The following MUC4 variants were observed in gnomAD, a reference collection of about 807,000 sequenced individuals.
MUC4 encodes mucin-4.
A neutral mutation model predicts 257.9 loss-of-function variants in MUC4; 202 were observed. The ratio of observed to expected loss-of-function variants is 0.78; its 90% CI spans 0.70 to 0.88. The LOEUF (loss-of-function observed/expected upper bound fraction) is 0.88. Ranked by LOEUF, MUC4 falls within the 40% of genes least tolerant of loss-of-function variation. The pLI is 0.00. For synonymous variants in MUC4, 2,351 were observed against 2,757.1 expected, an observed-to-expected ratio of 0.85 and a Z score of 4.62; for missense variants, 5,976 against 6,513.7, an observed-to-expected ratio of 0.92 and a Z score of 2.84.
chr3:195,778,143 T>C (rs991695036), intron 3 of MUC4, 160 bp downstream of exon 3: 82 of 962,982 alleles, frequency 8.5e-5, no homozygotes, highest in Non-Finnish European at 1.2e-4. Context: ...CCCAGTGCCA[T>C]GCACAAAGCC....
At chr3:195,761,288 T>A (rs959319032) in intron 15 of MUC4, among the ~76,000 whole-genome samples, 171 bp from the exon 16 acceptor site, 5 of 152,102 alleles carry the variant, frequency 3.3e-5, no homozygotes, top group Admixed American at 2.6e-4. Flanking sequence ...GAGAGGACAC[T>A]CCACGTCCCC....
intron 7 of MUC4, among the ~76,000 whole-genome samples, chr3:195,767,814 TCAC>T (rs1221256353): frequency 1.8e-3 from 79 of 42,858 alleles, no homozygotes; most frequent in South Asian, 3.0e-3. Flanking sequence ...ATCACCACCA[TCAC>T]CACCACCACC....
At chr3:195,749,307 T>A (rs1436343670) in intron 23 of MUC4, among the ~76,000 whole-genome samples, 1 of 45,642 alleles carries the variant, frequency 2.2e-5, no homozygotes, top group East Asian at 5.6e-4. Flanking sequence ...TGGAAAAAGT[T>A]TCCTAGGGAA....
chr3:195,766,892 C>G, intron 7 of MUC4, 141 bp from the exon 8 acceptor site: 1 of 700,304 alleles, frequency 1.4e-6, no homozygotes, highest in Non-Finnish European at 2.5e-6. Flanking sequence ...TCAGCCAGCC[C>G]CCATCGTCAA....
In MUC4 at chr3:195,747,315, T is replaced by C. The variant is rs1269145645; in HGVS notation, c.16100A>G (p.Asp5367Gly). The change falls in exon 25 of 25, where the codon GAC becomes GGC. Residue 5367 changes from aspartate (D) to glycine (G), a missense_variant. Coordinates refer to ENST00000463781, the MANE Select transcript of MUC4 (RefSeq NM_018406.7). ...EHCEHLSMKLDAFFGIFFGAL... is the reference protein window; with the variant it reads ...EHCEHLSMKLGAFFGIFFGAL... Reference sequence around the variant, plus strand: ...CCCAAAGAAGATGCCGAAGAACGCGTCGAGTTTCATGCTCAGGTGCTCACA... The same window carrying C: ...CCCAAAGAAGATGCCGAAGAACGCGCCGAGTTTCATGCTCAGGTGCTCACA... 6.2e-7 allele frequency: 1 copy of C among 1,614,128 alleles called. No homozygotes were observed. Among genetic ancestry groups the C allele is most frequent in the African/African-American group, 1.3e-5 (1 of 75,070 alleles).
At chr3:195,774,122 A>G in intron 4 of MUC4, 50 bp downstream of exon 4, 2 of 1,545,042 alleles carry the variant, frequency 1.3e-6, no homozygotes, top group Non-Finnish European at 1.7e-6. Context: ...AGCAGGAGAG[A>G]GAAGTGGGCC....
intron 19 of MUC4, 48 bp from the exon 20 acceptor site, chr3:195,753,278 G>A: frequency 6.3e-7 from 1 of 1,581,742 alleles, no homozygotes; most frequent in Non-Finnish European, 8.6e-7. Flanking sequence ...GGCAGCAGAG[G>A]GACGGCCCAG....
chr3:195,777,778 A>G (rs866623842), intron 3 of MUC4, among the ~76,000 whole-genome samples: 17 of 32,942 alleles, frequency 5.2e-4, no homozygotes, highest in Admixed American at 6.9e-4. Context: ...TACCTTCCAC[A>G]CCCATACCTT....
At chr3:195,808,307 C>G (rs1343814818) in intron 1 of MUC4, among the ~76,000 whole-genome samples, 3 of 152,044 alleles carry the variant, frequency 2.0e-5, no homozygotes, top group African/African-American at 7.3e-5. Context: ...CCTCTGCCTC[C>G]CAGGTTCAAG....
chr3:195,806,558 T>C (rs1183818930), intron 1 of MUC4, among the ~76,000 whole-genome samples: 1 of 152,262 alleles, frequency 6.6e-6, no homozygotes, highest in East Asian at 1.9e-4. Flanking sequence ...TGCTGTGTCC[T>C]AGAACAATGT....
Position 195,790,330 on chromosome 3 carries a change from G to A in MUC4, c.1250C>T (p.Thr417Ile), listed in dbSNP as rs200592517. The A allele has an allele frequency of 9.9e-6, 16 of 1,613,770 alleles. No homozygotes were observed. The highest frequency in any genetic ancestry group is 1.3e-5 in the African/African-American group (1 of 74,920). Residue 417 changes from threonine (T) to isoleucine (I), a missense_variant, in exon 2 of 25, where the codon ACC becomes ATC. Around this residue, in one of 44 missense-constraint regions of MUC4, gnomAD observed 1,583 missense variants for 1,257.4 expected, o/e 1.26. Transcript: ENST00000463781. ...TEETSLSVSG[T>I]ISAITSKVST... is the part of the protein sequence containing the mutation. The stretch of plus-strand genomic sequence containing the variant: ...AACTTTGGAAGTGATTGCAGAAATG[G>A]TTCCACTTACAGATAGTGATGTCTC...
In MUC4 at chr3:195,769,161, G is replaced by A. The variant is rs561464763; in HGVS notation, c.13399-9C>T. ...GCTTGGTAGGTGTTGCTCTGGGGGT[G>A]GGTGGAAGAAAACACAGGGATGCCC... On this transcript the variant is annotated splice_polypyrimidine_tract_variant and intron_variant, in intron 6 of 24. Coordinates refer to ENST00000463781, the MANE Select transcript of MUC4 (RefSeq NM_018406.7). 3.1e-6 allele frequency: 5 copies of A among 1,613,798 alleles called. No homozygotes were observed. Among genetic ancestry groups the A allele is most frequent in the Non-Finnish European group, 4.2e-6 (5 of 1,179,868 alleles).
In MUC4 at chr3:195,790,895, G is replaced by A. The variant is rs1733774933; in HGVS notation, c.685C>T (p.His229Tyr). Residue 229 changes from histidine (H) to tyrosine (Y), a missense_variant, in exon 2 of 25, where the codon CAC becomes TAC. Around this residue, in one of 44 missense-constraint regions of MUC4, gnomAD observed 1,583 missense variants for 1,257.4 expected, o/e 1.26. Transcript: ENST00000463781. ...TGAGAAACAGTCCCTGTCACATTGT[G>A]TACACTTGGAGAGAAAGAAGGAGTT... ...TSTPSFSPSV[H>Y]NVTGTVSQKT... 1 of 1,614,006 alleles carries A rather than the reference G, an allele frequency of 6.2e-7. No individual in the cohort carries two copies. The highest frequency in any genetic ancestry group is 8.5e-7 in the Non-Finnish European group (1 of 1,179,882).
At chr3:195,747,407 G>A (rs1386317592) in intron 24 of MUC4, 27 bp from the exon 25 acceptor site, 7 of 1,608,194 alleles carry the variant, frequency 4.4e-6, no homozygotes, top group South Asian at 2.2e-5. Context: ...ACAGACAGGC[G>A]GTCAGAGGCG....
chr3:195,775,324 G>A (rs1446984763), intron 3 of MUC4, among the ~76,000 whole-genome samples: 4 of 43,320 alleles, frequency 9.2e-5, no homozygotes, highest in African/African-American at 3.0e-4. Context: ...CAAATGCTTC[G>A]GGGATCCACC....
intron 4 of MUC4, among the ~76,000 whole-genome samples, chr3:195,772,580 C>T (rs1203762761): frequency 1.4e-5 from 2 of 138,218 alleles, no homozygotes; most frequent in East Asian, 4.4e-4. Flanking sequence ...GGGGTGTAGA[C>T]ACCCTCTCTC....
At chr3:195,774,615 G>A (rs1369797897) in intron 3 of MUC4, among the ~76,000 whole-genome samples, 3 of 152,142 alleles carry the variant, frequency 2.0e-5, no homozygotes, top group African/African-American at 2.4e-5. Flanking sequence ...AAAGACAAAA[G>A]TCTATGCTGG....
At chr3:195,753,416 C>T in intron 19 of MUC4, 186 bp from the exon 20 acceptor site, 1 of 592,748 alleles carries the variant, frequency 1.7e-6, no homozygotes, top group Non-Finnish European at 2.9e-6. Flanking sequence ...TTTCCCCGGC[C>T]AGACAGGTAT....
chr3:195,780,016 A>T lies in MUC4; in HGVS notation c.11564T>A (p.Met3855Lys). 11 of 1,245,004 alleles carry T rather than the reference A, an allele frequency of 8.8e-6. No homozygotes were observed. The East Asian group carries it at 9.1e-5, about 10-fold the overall frequency. 77.1% of individuals were successfully genotyped at this position (1,245,004 alleles called of 1,614,324 possible). A position where few individuals can be genotyped will look rare whatever the true frequency, so the allele number is the denominator to read the frequency against. ...GGAAGGGCTAGTGACAGGAAGAGGCATGGTGTCACCTGTGGATACTGAGGA... is the reference window on the plus strand; with the variant it reads ...GGAAGGGCTAGTGACAGGAAGAGGCTTGGTGTCACCTGTGGATACTGAGGA... ...IPSSVSTGDT[M>K]PLPVTSPSSA... Residue 3855 changes from methionine to lysine, a missense_variant, in exon 2 of 25, where the codon ATG (methionine) becomes AAG (lysine). Coordinates refer to ENST00000463781, the MANE Select transcript of MUC4 (RefSeq NM_018406.7).
Sources: allele counts gnomAD v4.1 joint callset (sites outside exome capture counted in the v4.1 genomes callset), GRCh38; gene constraint gnomAD v4.1.1; regional missense constraint gnomAD v4.1.1; transcripts MANE v1.5; gene names NCBI Gene and HGNC (gene_info 2026-07-23, HGNC 2026-07-21).